ARHGAP15: variants seen among roughly 807,000 people sequenced by gnomAD.
ARHGAP15 encodes the protein rho GTPase-activating protein 15.
In ARHGAP15, 51 loss-of-function variants were observed where a neutral mutation model predicts 63.7. That is an observed-to-expected ratio of 0.80 (90% CI 0.64 to 1.01). The LOEUF (loss-of-function observed/expected upper bound fraction) is 1.01, where lower values mean the gene tolerates loss of function less well. Ranked by LOEUF, ARHGAP15 falls within the 50% of genes least tolerant of loss-of-function variation. ARHGAP15 has a pLI of 0.00. For missense variants in ARHGAP15, 560 were observed against 564.6 expected, an observed-to-expected ratio of 0.99 and a Z score of 0.08; for synonymous variants, 191 against 193.8, an observed-to-expected ratio of 0.99 and a Z score of 0.12.
At chr2:143,370,474 T>C (rs1686500515) in intron 6 of ARHGAP15, among the ~76,000 whole-genome samples, 1 of 152,052 alleles carries the variant, frequency 6.6e-6, no homozygotes, top group Non-Finnish European at 1.5e-5. Context: ...ATTGTGCACA[T>C]GTACCCTAAA....
At chr2:143,151,527 A>G (rs1244290939) in intron 1 of ARHGAP15, among the ~76,000 whole-genome samples, 1 of 152,000 alleles carries the variant, frequency 6.6e-6, no homozygotes, top group African/African-American at 2.4e-5. Flanking sequence ...TGACTGATAT[A>G]ACATTGTGTT....
chr2:143,170,477 C>A (rs1441796914), intron 2 of ARHGAP15, among the ~76,000 whole-genome samples: 1 of 152,094 alleles, frequency 6.6e-6, no homozygotes, highest in Non-Finnish European at 1.5e-5. Context: ...TTTAAAGATA[C>A]CTGATACCAA....
At position 143,266,830 on chromosome 2, in the gene ARHGAP15, G is replaced by A. The variant is rs377012208; in HGVS notation, c.474+16230G>A. 5.5e-4 allele frequency among the ~76,000 whole-genome samples: 84 copies of A among 152,250 alleles called. 2 individuals are homozygous for A. The South Asian group carries it at 7.3e-3, about 13-fold the overall frequency. On this transcript the variant is annotated intron_variant, in intron 6 of 13. Transcript: ENST00000295095. ...CTAACAGGACAATACAAAGGACCAA[G>A]TATCATTGGAGTTTTGGTTTATCAT... is the stretch of plus-strand genomic sequence containing the variant.
chr2:143,604,890 TTTTTGTTTTG>T (rs201477731), intron 11 of ARHGAP15, among the ~76,000 whole-genome samples: 74 of 152,124 alleles, frequency 4.9e-4, no homozygotes, highest in Non-Finnish European at 8.2e-4. Flanking sequence ...TTACAGGGTT[TTTTTGTTTTG>T]TTTTGTTTTG....
At position 143,727,490 on chromosome 2, in the gene ARHGAP15, T is replaced by G. The variant is rs1685334505; in HGVS notation, c.1244+23966T>G. ...GAAAGATATTAATGCATTTATCTGATGTACTGTTTTTTGCAGTAGCTAGAA... is the reference window on the plus strand; with the variant it reads ...GAAAGATATTAATGCATTTATCTGAGGTACTGTTTTTTGCAGTAGCTAGAA... On this transcript the variant is annotated intron_variant, in intron 13 of 13. Coordinates refer to ENST00000295095, the MANE Select transcript of ARHGAP15 (RefSeq NM_018460.4). 2.0e-5 allele frequency among the ~76,000 whole-genome samples: 3 copies of G among 152,248 alleles called. No individual in the cohort carries two copies. In the South Asian group the frequency reaches 6.2e-4, roughly 31 times the overall value.
intron 4 of ARHGAP15, among the ~76,000 whole-genome samples, chr2:143,220,957 A>G (rs1692971139): frequency 1.3e-5 from 2 of 152,052 alleles, no homozygotes; most frequent in Non-Finnish European, 2.9e-5. Flanking sequence ...AACAGTATTA[A>G]CCTCTTATTT....
At chr2:143,717,405 T>C (rs1293989874) in intron 13 of ARHGAP15, among the ~76,000 whole-genome samples, 1 of 152,192 alleles carries the variant, frequency 6.6e-6, no homozygotes, top group Admixed American at 6.5e-5. Flanking sequence ...ACTGGACTTA[T>C]TTTTCTCCCC....
rs1686616620 is a variant in ARHGAP15, at chr2:143,757,397, G to C, written c.1245-10592G>C. ...ATGGTAACGCGTGACTGTAATCCCA[G>C]CTACTTGGGAGGCTGAGGCATGAGA... On this transcript the variant is annotated intron_variant, in intron 13 of 13. Coordinates refer to ENST00000295095, the MANE Select transcript of ARHGAP15 (RefSeq NM_018460.4). Among the ~76,000 whole-genome samples, 5 of 152,222 alleles carry C rather than the reference G, an allele frequency of 3.3e-5. No individual in the cohort carries two copies. In the South Asian group the frequency reaches 1.0e-3, roughly 32 times the overall value.
chr2:143,138,608 G>A (rs1689239582), intron 1 of ARHGAP15, among the ~76,000 whole-genome samples: 1 of 152,068 alleles, frequency 6.6e-6, no homozygotes, highest in Non-Finnish European at 1.5e-5. Flanking sequence ...TTGCCATACT[G>A]CAGGTGTCTT....
At position 143,611,602 on chromosome 2, in the gene ARHGAP15, A is replaced by T. The variant is rs541775970; in HGVS notation, c.1004-12531A>T. 2.0e-4 allele frequency among the ~76,000 whole-genome samples: 30 copies of T among 152,208 alleles called. No individual in the cohort carries two copies. In the East Asian group the frequency reaches 5.8e-3, roughly 29 times the overall value. On this transcript the variant is annotated intron_variant, in intron 11 of 13. Coordinates refer to ENST00000295095, the MANE Select transcript of ARHGAP15 (RefSeq NM_018460.4). ...TTGTTGTTATTATTACTCAACTTTC[A>T]CTTCTATGCTGATAATTTTCAAATT...
At chr2:143,761,986 TGCTA>T (rs1686775690) in intron 13 of ARHGAP15, among the ~76,000 whole-genome samples, 1 of 152,194 alleles carries the variant, frequency 6.6e-6, no homozygotes, top group Admixed American at 6.5e-5. Flanking sequence ...ACATACAAAG[TGCTA>T]TTTCATGAAC....
chr2:143,622,058 G>A (rs4146022), intron 11 of ARHGAP15, among the ~76,000 whole-genome samples: 18,644 of 151,974 alleles, frequency 0.12, 1,444 homozygotes, highest in East Asian at 0.19. Context: ...TTAAAGTTCA[G>A]TGCCAAAGCT....
intron 11 of ARHGAP15, among the ~76,000 whole-genome samples, chr2:143,618,878 C>T (rs376890139): frequency 3.3e-5 from 5 of 151,666 alleles, no homozygotes; most frequent in South Asian, 2.1e-4. Flanking sequence ...GTCACCGAGG[C>T]GGATGGGGTG....
intron 9 of ARHGAP15, among the ~76,000 whole-genome samples, chr2:143,513,797 T>C (rs1693687560): frequency 6.6e-6 from 1 of 152,230 alleles, no homozygotes; most frequent in Non-Finnish European, 1.5e-5. Flanking sequence ...GCTCACCTCC[T>C]ACACCCACTT....
In ARHGAP15 at chr2:143,482,754, C is replaced by T. The variant is rs550378838; in HGVS notation, c.704-4619C>T. On this transcript the variant is annotated intron_variant, in intron 8 of 13. Coordinates refer to ENST00000295095, the MANE Select transcript of ARHGAP15 (RefSeq NM_018460.4). ...TACAGGGTCCCAGTGATGGACCTTGCTTTATATCCACGCACTTCTTAACAT... is the reference window on the plus strand; with the variant it reads ...TACAGGGTCCCAGTGATGGACCTTGTTTTATATCCACGCACTTCTTAACAT... Among the ~76,000 whole-genome samples the T allele has an allele frequency of 5.3e-5, 8 of 152,292 alleles. No homozygotes were observed. In the South Asian group the frequency reaches 1.7e-3, roughly 32 times the overall value.
At chr2:143,181,015 C>T in intron 2 of ARHGAP15, among the ~76,000 whole-genome samples, 1 of 152,188 alleles carries the variant, frequency 6.6e-6, no homozygotes. Context: ...GCCAAATTTA[C>T]TACTTGATCC....
chr2:143,665,446 C>T (rs1416141498), intron 12 of ARHGAP15, among the ~76,000 whole-genome samples: 3 of 66,702 alleles, frequency 4.5e-5, no homozygotes, highest in Admixed American at 3.6e-4. Context: ...CTATGACAAA[C>T]CCACAGCCAA....
chr2:143,292,383 C>A (rs1682444722), intron 6 of ARHGAP15, among the ~76,000 whole-genome samples: 1 of 151,970 alleles, frequency 6.6e-6, no homozygotes, highest in South Asian at 2.1e-4. Flanking sequence ...TCCATTTATA[C>A]CTTGAACTAA....
chr2:143,687,341 C>T (rs945798562), intron 12 of ARHGAP15, among the ~76,000 whole-genome samples: 6 of 152,140 alleles, frequency 3.9e-5, no homozygotes, highest in Non-Finnish European at 8.8e-5. Context: ...ATTTTCCACT[C>T]TTTGGAGGCT....
Sources: allele counts gnomAD v4.1 joint callset (sites outside exome capture counted in the v4.1 genomes callset), GRCh38; gene constraint gnomAD v4.1.1; transcripts MANE v1.5; gene names NCBI Gene and HGNC (gene_info 2026-07-23, HGNC 2026-07-21).